GALK2: variants seen among roughly 807,000 people sequenced by gnomAD.
GALK2 encodes galactokinase 2, also known as N-acetylgalactosamine kinase.
Under a neutral mutation model 52.4 loss-of-function variants are expected in GALK2, and 36 were observed. The observed-to-expected ratio is 0.69, with a 90% CI of 0.53 to 0.91. The LOEUF (loss-of-function observed/expected upper bound fraction) is 0.91. GALK2 is among the 40% of genes least tolerant of loss of function. The pLI, the probability that GALK2 is intolerant of heterozygous loss-of-function variation, is 0.00. For missense variants in GALK2, 579 were observed against 559.1 expected (o/e 1.04, Z -0.36); for synonymous variants, 176 against 199.1 (o/e 0.88, Z 0.98).
At chr15:49,171,671 T>C (rs2085106684) in intron 1 of GALK2, among the ~76,000 whole-genome samples, 1 of 152,166 alleles carries the variant, frequency 6.6e-6, no homozygotes, top group Admixed American at 6.5e-5. Context: ...ACTGTTGCCC[T>C]TATATATTTG....
At chr15:49,205,504 G>A (rs1357137375) in intron 2 of GALK2, among the ~76,000 whole-genome samples, 3 of 152,106 alleles carry the variant, frequency 2.0e-5, no homozygotes, top group African/African-American at 4.8e-5. Flanking sequence ...TTTTCCATAT[G>A]TTTGTTGGCC....
At chr15:49,248,776 T>G (rs1179650656) in intron 5 of GALK2, among the ~76,000 whole-genome samples, 4 of 152,168 alleles carry the variant, frequency 2.6e-5, no homozygotes, top group Non-Finnish European at 5.9e-5. Flanking sequence ...GTTGTTTGGG[T>G]CACTTCTGGG....
chr15:49,263,414 T>C (rs1355612117), intron 5 of GALK2, among the ~76,000 whole-genome samples: 5 of 113,290 alleles, frequency 4.4e-5, no homozygotes, highest in Non-Finnish European at 9.0e-5. Flanking sequence ...TTGTTTTCCA[T>C]TGGCTTGGTA....
At chr15:49,312,675 T>C (rs1314207698) in intron 8 of GALK2, among the ~76,000 whole-genome samples, 1 of 152,190 alleles carries the variant, frequency 6.6e-6, no homozygotes, top group Admixed American at 6.5e-5. Context: ...GAACCCTGAT[T>C]AGTACACTTA....
At chr15:49,361,315 G>C (rs1384238926) in intron 3 of GALK2, among the ~76,000 whole-genome samples, 1 of 152,022 alleles carries the variant, frequency 6.6e-6, no homozygotes, top group Non-Finnish European at 1.5e-5. Flanking sequence ...TGATGTTACA[G>C]GGATTTGTTG....
chr15:49,365,796 G>T, intron 3 of GALK2: 1 of 858,968 alleles, frequency 1.2e-6, no homozygotes, highest in Non-Finnish European at 2.0e-6. Context: ...CTATTGCTAT[G>T]CACAGTCCAG....
chr15:49,209,217 C>T (rs573502752), intron 2 of GALK2, among the ~76,000 whole-genome samples: 2 of 152,284 alleles, frequency 1.3e-5, no homozygotes, highest in East Asian at 3.9e-4. Flanking sequence ...AATTTATCAG[C>T]TCTAAAAGCT....
intron 5 of GALK2, among the ~76,000 whole-genome samples, chr15:49,279,762 T>A (rs1405636348): frequency 8.5e-5 from 13 of 152,268 alleles, no homozygotes; most frequent in Admixed American, 8.5e-4. Context: ...TACATAATGA[T>A]GAATGTACTG....
At chr15:49,366,548 T>TTA (rs1348337045) in intron 3 of GALK2, 1 of 1,578,714 alleles carries the variant, frequency 6.3e-7, no homozygotes, top group Non-Finnish European at 8.7e-7. Context: ...CCAATGGGGG[T>TTA]TATAAAGCAT....
chr15:49,199,840 G>A (rs1351630785), intron 1 of GALK2, among the ~76,000 whole-genome samples: 1 of 152,122 alleles, frequency 6.6e-6, no homozygotes, highest in East Asian at 1.9e-4. Flanking sequence ...GTTTATAATG[G>A]TGTCTTTGGA....
intron 1 of GALK2, among the ~76,000 whole-genome samples, chr15:49,199,585 C>T (rs928589967): frequency 6.6e-6 from 1 of 152,178 alleles, no homozygotes; most frequent in African/African-American, 2.4e-5. Context: ...AATGACCTCA[C>T]CCTTTGGCCA....
intron 3 of GALK2, among the ~76,000 whole-genome samples, chr15:49,344,662 G>T (rs1038879216): frequency 2.6e-5 from 4 of 152,138 alleles, no homozygotes; most frequent in Non-Finnish European, 2.9e-5. Flanking sequence ...TAGAGGTGGT[G>T]GTCCTGCTCA....
chr15:49,273,395 G>C (rs975659346), intron 5 of GALK2, among the ~76,000 whole-genome samples: 2 of 151,914 alleles, frequency 1.3e-5, no homozygotes, highest in Non-Finnish European at 2.9e-5. Flanking sequence ...AGGGTCATTT[G>C]CATCTGCTGT....
intron 8 of GALK2, chr15:49,319,082 C>G (rs145004957): frequency 2.1e-5 from 8 of 388,350 alleles, no homozygotes; most frequent in Non-Finnish European, 4.0e-5. Flanking sequence ...TCTCAAATAG[C>G]TGGGATTACA....
At chr15:49,201,053 AGT>A (rs10629223) in intron 1 of GALK2, 107 bp from the exon 2 acceptor site, 69,713 of 394,464 alleles carry the variant, frequency 0.18, 2,023 homozygotes, top group Non-Finnish European at 0.2. Flanking sequence ...AGGCATATGG[AGT>A]GTGTGTGTGT....
At chr15:49,232,701 A>G (rs775059625) in intron 3 of GALK2, among the ~76,000 whole-genome samples, 17 of 152,230 alleles carry the variant, frequency 1.1e-4, no homozygotes, top group Non-Finnish European at 2.2e-4. Context: ...TTTGCTGCTT[A>G]GAAATTTCTC....
At chr15:49,364,633 T>G (rs2044808671) in intron 3 of GALK2, among the ~76,000 whole-genome samples, 1 of 152,192 alleles carries the variant, frequency 6.6e-6, no homozygotes, top group Non-Finnish European at 1.5e-5. Context: ...ATTCCAAAAT[T>G]TTATATTTCT....
At chr15:49,225,581 T>A (rs1479637007) in intron 3 of GALK2, among the ~76,000 whole-genome samples, 1 of 152,166 alleles carries the variant, frequency 6.6e-6, no homozygotes, top group Non-Finnish European at 1.5e-5. Context: ...AAAATTGTCT[T>A]CCACAAAACT....
At chr15:49,254,918 A>G (rs144090760) in intron 5 of GALK2, among the ~76,000 whole-genome samples, 1 of 144,360 alleles carries the variant, frequency 6.9e-6, no homozygotes, top group African/African-American at 2.5e-5. Context: ...AGAAGAGGCA[A>G]GAATAGGCAA....
Sources: allele counts gnomAD v4.1 joint callset (sites outside exome capture counted in the v4.1 genomes callset), GRCh38; gene constraint gnomAD v4.1.1; transcripts MANE v1.5; gene names NCBI Gene and HGNC (gene_info 2026-07-23, HGNC 2026-07-21).